Variants in XPOT observed in about 807,000 individuals in gnomAD.
The protein encoded by XPOT is exportin for tRNA.
XPOT carries 34 observed loss-of-function variants against 128.2 expected under a neutral mutation model. The observed-to-expected ratio is 0.27, with a 90% CI of 0.20 to 0.35. The LOEUF is 0.35. XPOT is among the 10% of genes least tolerant of loss of function. The pLI is 1.00. For missense variants in XPOT, 838 were observed against 1,125.3 expected (o/e 0.74, Z 3.65); for synonymous variants, 348 against 394.3 (o/e 0.88, Z 1.39).
intron 23 of XPOT, among the ~76,000 whole-genome samples, chr12:64,444,104 T>G (rs866448016): frequency 1.3e-5 from 2 of 152,368 alleles, no homozygotes; most frequent in Non-Finnish European, 1.5e-5. Context: ...TTTTCCCTTT[T>G]TCATATGCCT....
rs2040381723 is a variant in XPOT, at chr12:64,448,330, C to T, written c.*199C>T. On this transcript the variant is annotated 3_prime_UTR_variant, in exon 25 of 25. Coordinates refer to ENST00000332707, the MANE Select transcript of XPOT (RefSeq NM_007235.6). Reference sequence around the variant, plus strand: ...ACAACAAAAGAAGTTGCCTGCATGCCGGTCCAAATTGTTCTGTATAAAGAT... The same window carrying T: ...ACAACAAAAGAAGTTGCCTGCATGCTGGTCCAAATTGTTCTGTATAAAGAT... 2.2e-5 allele frequency: 13 copies of T among 587,752 alleles called. No individual in the cohort carries two copies. Among genetic ancestry groups the T allele is most frequent in the Middle Eastern group, 9.1e-4 (2 of 2,206 alleles). The allele number at this position is 587,752 out of a possible 1,614,324, so 36.4% of individuals were successfully genotyped here.
In XPOT at chr12:64,430,051, G is replaced by A. The variant is rs2136028184; in HGVS notation, c.1740G>A (p.Glu580=). 6.4e-7 allele frequency: 1 copy of A among 1,570,228 alleles called. No homozygotes were observed. The highest frequency in any genetic ancestry group is 8.6e-7 in the Non-Finnish European group (1 of 1,162,618). ...IQDLLELSPP[E]NGHQSLLSSD... is the part of the protein sequence containing the mutation. ...AATAAGACTGAATTTCATTCTAGGA[G>A]AATGGCCACCAGTCCTTACTGAGCA... The change falls in exon 17 of 25, where the codon GAG becomes GAA. Residue 580 remains glutamate (E), a splice_region_variant and synonymous_variant. Transcript: ENST00000332707.
chr12:64,440,674 T>C (rs772535297), intron 23 of XPOT, among the ~76,000 whole-genome samples: 1 of 152,332 alleles, frequency 6.6e-6, no homozygotes, highest in South Asian at 2.1e-4. Context: ...TGAGGTGATA[T>C]CTCATTGTGG....
rs191476786 is a variant in XPOT, at chr12:64,439,169, A to G, written c.2734-75A>G. On this transcript the variant is annotated intron_variant, in intron 22 of 24. Coordinates refer to ENST00000332707, the MANE Select transcript of XPOT (RefSeq NM_007235.6). Reference sequence around the variant, plus strand: ...ATACTATATTGCCTTTAAAGTGTACATGTATTGTTCCGATTCTTTTTAAGC... The same window carrying G: ...ATACTATATTGCCTTTAAAGTGTACGTGTATTGTTCCGATTCTTTTTAAGC... 8.2e-3 allele frequency: 11,156 copies of G among 1,368,786 alleles called. 66 individuals are homozygous for G. The highest frequency in any genetic ancestry group is 0.011 in the Non-Finnish European group (10,154 of 960,138). 84.8% of individuals were successfully genotyped at this position (1,368,786 alleles called of 1,614,324 possible).
intron 8 of XPOT, 37 bp from the exon 9 acceptor site, chr12:64,421,198 G>A (rs753913144): frequency 6.8e-7 from 1 of 1,471,624 alleles, no homozygotes; most frequent in East Asian, 2.3e-5. Flanking sequence ...GCTTGGGCAG[G>A]CAGTTTTAAA....
At chr12:64,425,622 T>C in intron 14 of XPOT, 165 bp downstream of exon 14, 1 of 1,013,218 alleles carries the variant, frequency 9.9e-7, no homozygotes, top group Admixed American at 2.4e-5. Context: ...AATGGATAGT[T>C]TGTGCCCAAT....
At chr12:64,415,080 A>G (rs1220748854) in intron 3 of XPOT, 91 bp downstream of exon 3, 2 of 852,818 alleles carry the variant, frequency 2.3e-6, no homozygotes, top group African/African-American at 1.7e-5. Flanking sequence ...GTGTTTTCAT[A>G]AAAACATTTT....
chr12:64,448,379 T>C lies in XPOT; in HGVS notation c.*248T>C, dbSNP rs2040382194. On this transcript the variant is annotated 3_prime_UTR_variant, in exon 25 of 25. Coordinates refer to ENST00000332707, the MANE Select transcript of XPOT (RefSeq NM_007235.6). ...ATGCTCTTAAAAGACACAAGAGTTA[T>C]CCTAGAACCTTAATTCTTTTTTATT... The C allele has an allele frequency of 4.5e-6, 2 of 443,880 alleles. No individual in the cohort carries two copies. The highest frequency in any genetic ancestry group is 8.9e-5 in the South Asian group (2 of 22,578). 27.5% of individuals were successfully genotyped at this position (443,880 alleles called of 1,614,324 possible). A position where few individuals can be genotyped will look rare whatever the true frequency, so the allele number is the denominator to read the frequency against.
rs762466607 is a variant in XPOT at position 64,410,075 on chromosome 12, G to C, written c.40G>C (p.Asp14His). 19 of 1,613,698 alleles carry C rather than the reference G, an allele frequency of 1.2e-5. No homozygotes were observed. The highest frequency in any genetic ancestry group is 1.6e-5 in the Non-Finnish European group (19 of 1,179,986). The change falls in exon 2 of 25, where the codon GAT (aspartate) becomes CAT (histidine). Residue 14 changes from aspartate (D) to histidine (H), a missense_variant. Physicochemically the swap from Asp to His is moderately conservative, Grantham distance 81 (BLOSUM62 -1). Transcript: ENST00000332707. ...QALLGLNPNADSDFRQRALAY... is the reference protein window; with the variant it reads ...QALLGLNPNAHSDFRQRALAY... ...TCTATTAGGGCTAAATCCAAATGCT[G>C]ATTCAGACTTTAGACAAAGGGTAAG...
chr12:64,413,259 C>G (rs2040057171), intron 2 of XPOT, among the ~76,000 whole-genome samples: 1 of 152,142 alleles, frequency 6.6e-6, no homozygotes, highest in South Asian at 2.1e-4. Context: ...CACGTCACCA[C>G]TTCTGGCTAA....
At chr12:64,406,404 C>T (rs938325031) in intron 1 of XPOT, among the ~76,000 whole-genome samples, 1 of 143,528 alleles carries the variant, frequency 7.0e-6, no homozygotes, top group African/African-American at 2.6e-5. Context: ...GTTTCGCTCT[C>T]GTTGACCAGG....
intron 12 of XPOT, 124 bp from the exon 13 acceptor site, chr12:64,424,914 A>G (rs1031066217): frequency 1.7e-5 from 23 of 1,360,680 alleles, no homozygotes; most frequent in Non-Finnish European, 2.2e-5. Context: ...ATTGCCTGGG[A>G]AAGTTAACAG....
At chr12:64,435,592 G>A in intron 21 of XPOT, 35 bp from the exon 22 acceptor site, 4 of 1,567,296 alleles carry the variant, frequency 2.6e-6, no homozygotes, top group African/African-American at 1.4e-5. Context: ...AACAAGAATT[G>A]AATATATAGA....
chr12:64,412,745 T>C (rs903071318), intron 2 of XPOT, among the ~76,000 whole-genome samples: 1 of 152,218 alleles, frequency 6.6e-6, no homozygotes, highest in Non-Finnish European at 1.5e-5. Flanking sequence ...CCACAAGTTA[T>C]GGGCTCGGTC....
chr12:64,440,732 C>T (rs1440438487), intron 23 of XPOT, among the ~76,000 whole-genome samples: 2 of 152,090 alleles, frequency 1.3e-5, no homozygotes, highest in Non-Finnish European at 2.9e-5. Context: ...TTTTTTCATA[C>T]ACCTGTTAAC....
intron 11 of XPOT, among the ~76,000 whole-genome samples, chr12:64,423,650 C>T (rs867668018): frequency 2.0e-5 from 3 of 152,056 alleles, no homozygotes; most frequent in South Asian, 2.1e-4. Context: ...GACGGGGTTT[C>T]GCCGTGTTGG....
intron 1 of XPOT, among the ~76,000 whole-genome samples, chr12:64,408,819 ATG>A (rs1392503149): frequency 6.6e-6 from 1 of 152,058 alleles, no homozygotes; most frequent in Non-Finnish European, 1.5e-5. Flanking sequence ...GATTACTGGC[ATG>A]TGCCACCAAG....
chr12:64,442,909 G>C (rs371127949), intron 23 of XPOT: 2 of 153,312 alleles, frequency 1.3e-5, no homozygotes, highest in African/African-American at 2.4e-5. Flanking sequence ...GCAGTGGCGC[G>C]ATCTCGGCTC....
rs556548699 is a variant in XPOT, at chr12:64,448,683, A to G, written c.*552A>G. 3.3e-5 allele frequency: 5 copies of G among 152,016 alleles called. No homozygotes were observed. The highest frequency in any genetic ancestry group is 2.0e-4 in the Admixed American group (3 of 15,272). The allele number at this position is 152,016 out of a possible 1,614,324, so 9.4% of individuals were successfully genotyped here. A position where few individuals can be genotyped will look rare whatever the true frequency, so the allele number is the denominator to read the frequency against. On this transcript the variant is annotated 3_prime_UTR_variant, in exon 25 of 25. Coordinates refer to ENST00000332707, the MANE Select transcript of XPOT (RefSeq NM_007235.6). ...TATAAAAATAAACTTTACGTAGTGA[A>G]ATCTTCCAAGTCTTTTCTGGAATTA... is the stretch of plus-strand genomic sequence containing the variant.
Sources: allele counts gnomAD v4.1 joint callset (sites outside exome capture counted in the v4.1 genomes callset), GRCh38; gene constraint gnomAD v4.1.1; transcripts MANE v1.5; gene names NCBI Gene and HGNC (gene_info 2026-07-23, HGNC 2026-07-21).